Variants in PABPC4L observed in about 807,000 individuals in gnomAD.
PABPC4L encodes the protein polyadenylate-binding protein 4-like.
For missense variants in PABPC4L, 452 were observed against 451.4 expected, an observed-to-expected ratio of 1.00 and a Z score of -0.01; for synonymous variants, 169 against 164.1, an observed-to-expected ratio of 1.03 and a Z score of -0.23.
chr4:134,091,853 G>A, the PABPC4L span, among the ~76,000 whole-genome samples: 1 of 151,936 alleles, frequency 6.6e-6, no homozygotes, highest in Admixed American at 6.6e-5. Context: ...TGGAATAAAT[G>A]CTGGTTGGTT....
chr4:134,107,433 G>A, the PABPC4L span, among the ~76,000 whole-genome samples: 4 of 151,346 alleles, frequency 2.6e-5, no homozygotes, highest in South Asian at 2.1e-4. Flanking sequence ...TAGTTAAAAC[G>A]TGTTTACTTA....
the PABPC4L span, among the ~76,000 whole-genome samples, chr4:134,188,299 T>A: frequency 2.0e-5 from 3 of 152,160 alleles, no homozygotes; most frequent in Non-Finnish European, 2.9e-5. Flanking sequence ...TCAGATGCAT[T>A]GTTTTTATAA....
chr4:134,149,386 G>A, the PABPC4L span, among the ~76,000 whole-genome samples: 2 of 152,268 alleles, frequency 1.3e-5, no homozygotes, highest in African/African-American at 2.4e-5. Flanking sequence ...TGAGGCTGGG[G>A]TTGATCAACG....
At chr4:133,953,442 C>T in the PABPC4L span, among the ~76,000 whole-genome samples, 1 of 152,156 alleles carries the variant, frequency 6.6e-6, no homozygotes, top group African/African-American at 2.4e-5. Flanking sequence ...TTTGTAGTTT[C>T]TTAGTAATAT....
chr4:133,961,042 G>T, the PABPC4L span, among the ~76,000 whole-genome samples: 11 of 151,864 alleles, frequency 7.2e-5, no homozygotes, highest in Non-Finnish European at 2.9e-5. Context: ...ACCATTGGTT[G>T]CTCTCCTTAC....
the PABPC4L span, among the ~76,000 whole-genome samples, chr4:134,171,625 A>G: frequency 6.6e-5 from 10 of 152,174 alleles, no homozygotes; most frequent in African/African-American, 1.4e-4. Flanking sequence ...AAGGTCGCCC[A>G]CTGTCATGAT....
chr4:134,079,696 T>TGA, the PABPC4L span, among the ~76,000 whole-genome samples: 25 of 146,370 alleles, frequency 1.7e-4, no homozygotes, highest in African/African-American at 2.2e-4. Flanking sequence ...TCTGTGTGTG[T>TGA]GAGAGAGAGA....
chr4:134,084,941 A>G, the PABPC4L span, among the ~76,000 whole-genome samples: 1 of 152,102 alleles, frequency 6.6e-6, no homozygotes, highest in African/African-American at 2.4e-5. Context: ...AAGAAAGGAA[A>G]ACCCTCAGCA....
the PABPC4L span, among the ~76,000 whole-genome samples, chr4:134,006,213 T>G: frequency 6.6e-6 from 1 of 152,040 alleles, no homozygotes; most frequent in Middle Eastern, 3.4e-3. Flanking sequence ...TTATAAGAAT[T>G]TATTAATTTT....
chr4:134,144,263 T>G, the PABPC4L span, among the ~76,000 whole-genome samples: 1 of 151,534 alleles, frequency 6.6e-6, no homozygotes, highest in Admixed American at 6.6e-5. Context: ...ACTGAACAAT[T>G]GTGGTAGGCA....
the PABPC4L span, among the ~76,000 whole-genome samples, chr4:134,154,751 A>G: frequency 6.6e-6 from 1 of 151,994 alleles, no homozygotes. Context: ...TTCTAATGAC[A>G]GTAGAATTTT....
At chr4:134,180,275 G>A in the PABPC4L span, among the ~76,000 whole-genome samples, 3 of 151,876 alleles carry the variant, frequency 2.0e-5, no homozygotes, top group African/African-American at 7.2e-5. Flanking sequence ...TAAAAACTTG[G>A]CTTTTGAATG....
the PABPC4L span, among the ~76,000 whole-genome samples, chr4:133,983,885 G>C: frequency 1.3e-5 from 2 of 151,610 alleles, no homozygotes; most frequent in Non-Finnish European, 3.0e-5. Context: ...AATAACTTAA[G>C]GGTGTTTTTG....
chr4:134,177,509 G>T, the PABPC4L span, among the ~76,000 whole-genome samples: 8 of 152,034 alleles, frequency 5.3e-5, no homozygotes, highest in Non-Finnish European at 1.2e-4. Flanking sequence ...CAGTTGGAGG[G>T]CACATCTTCC....
chr4:134,113,128 G>C, the PABPC4L span, among the ~76,000 whole-genome samples: 186 of 152,100 alleles, frequency 1.2e-3, no homozygotes, highest in African/African-American at 4.4e-3. Context: ...TGTGTTTTAA[G>C]CTAAGTGTTA....
chr4:134,075,925 T>C, the PABPC4L span, among the ~76,000 whole-genome samples: 1 of 151,788 alleles, frequency 6.6e-6, no homozygotes, highest in Non-Finnish European at 1.5e-5. Context: ...AAGATAAAGA[T>C]AAGTTGGTTA....
At chr4:134,051,720 G>C in the PABPC4L span, among the ~76,000 whole-genome samples, 1 of 152,108 alleles carries the variant, frequency 6.6e-6, no homozygotes. Flanking sequence ...AGTTTAGATT[G>C]ATTGCCACTA....
At chr4:134,163,896 T>G in the PABPC4L span, among the ~76,000 whole-genome samples, 1 of 152,054 alleles carries the variant, frequency 6.6e-6, no homozygotes, top group Non-Finnish European at 1.5e-5. Context: ...ATAGTTAACA[T>G]GGAAAAGTTG....
At chr4:134,108,351 T>C in the PABPC4L span, among the ~76,000 whole-genome samples, 1 of 151,814 alleles carries the variant, frequency 6.6e-6, no homozygotes, top group Non-Finnish European at 1.5e-5. Context: ...ATTGAAAAGC[T>C]TTTGCTCTTT....
Sources: allele counts gnomAD v4.1 joint callset (sites outside exome capture counted in the v4.1 genomes callset), GRCh38; gene constraint gnomAD v4.1.1; transcripts MANE v1.5; gene names NCBI Gene and HGNC (gene_info 2026-07-23, HGNC 2026-07-21).